The following DYM variants were observed in gnomAD, a reference collection of about 807,000 sequenced individuals.
The protein encoded by DYM is dymeclin.
In DYM, 78 loss-of-function variants were observed where a neutral mutation model predicts 93.1. That is an observed-to-expected ratio of 0.84 (90% CI 0.70 to 1.01). The LOEUF is 1.01. Ranked by LOEUF, DYM falls within the 50% of genes least tolerant of loss-of-function variation. The probability of loss-of-function intolerance (pLI) is 0.00; values close to 1 mark genes in which losing one functional copy is unlikely to be tolerated. For missense variants in DYM, 789 were observed against 845.0 expected (o/e 0.93, Z 0.82); for synonymous variants, 321 against 319.7 (o/e 1.00, Z -0.04).
At chr18:49,458,875 T>C (rs1044472449) in intron 1 of DYM, among the ~76,000 whole-genome samples, 3 of 152,200 alleles carry the variant, frequency 2.0e-5, no homozygotes, top group Non-Finnish European at 4.4e-5. Context: ...TTCAATCTTC[T>C]ACAGATATAT....
chr18:49,423,414 T>C (rs1307295937), intron 2 of DYM, among the ~76,000 whole-genome samples: 1 of 152,204 alleles, frequency 6.6e-6, no homozygotes, highest in Non-Finnish European at 1.5e-5. Context: ...GGGAAATTTA[T>C]AGCACTAAAT....
intron 16 of DYM, among the ~76,000 whole-genome samples, chr18:49,104,255 T>C (rs192005063): frequency 1.0e-3 from 154 of 152,320 alleles, no homozygotes; most frequent in African/African-American, 2.7e-3. Flanking sequence ...TTTTTGCACA[T>C]TGATTTTGTA....
chr18:49,188,807 T>A (rs2090696374), intron 14 of DYM, among the ~76,000 whole-genome samples: 1 of 152,186 alleles, frequency 6.6e-6, no homozygotes, highest in African/African-American at 2.4e-5. Context: ...ACCTGCACAT[T>A]GTGCACATGT....
intron 17 of DYM, among the ~76,000 whole-genome samples, chr18:49,054,295 G>A (rs2075284497): frequency 6.6e-6 from 1 of 152,212 alleles, no homozygotes; most frequent in Non-Finnish European, 1.5e-5. Context: ...AAGCTGGAGT[G>A]CAGTGGTGCG....
At chr18:49,087,818 G>C (rs1192927518) in intron 17 of DYM, among the ~76,000 whole-genome samples, 1 of 151,958 alleles carries the variant, frequency 6.6e-6, no homozygotes, top group Admixed American at 6.6e-5. Flanking sequence ...ATTCTAACTG[G>C]TGTGAGATGG....
chr18:49,196,082 A>G (rs2091424652), intron 14 of DYM, among the ~76,000 whole-genome samples: 1 of 150,932 alleles, frequency 6.6e-6, no homozygotes, highest in Admixed American at 6.6e-5. Context: ...CCACCACCAC[A>G]CCCGGCTAAT....
chr18:49,175,612 C>T (rs566540514), intron 14 of DYM, among the ~76,000 whole-genome samples: 2 of 152,152 alleles, frequency 1.3e-5, no homozygotes, highest in African/African-American at 2.4e-5. Context: ...AGGTGGAGAA[C>T]AAAATAACAA....
At chr18:49,300,272 A>G (rs2060835680) in intron 8 of DYM, among the ~76,000 whole-genome samples, 1 of 151,930 alleles carries the variant, frequency 6.6e-6, no homozygotes, top group Non-Finnish European at 1.5e-5. Flanking sequence ...TATAGTAACC[A>G]AAAAGAATCA....
intron 8 of DYM, among the ~76,000 whole-genome samples, chr18:49,321,787 C>A (rs902339030): frequency 6.6e-6 from 1 of 151,824 alleles, no homozygotes; most frequent in African/African-American, 2.4e-5. Flanking sequence ...TCTGTGAGCA[C>A]GTAAAATCTC....
At chr18:49,362,411 G>A (rs1367403823) in intron 6 of DYM, among the ~76,000 whole-genome samples, 3 of 152,152 alleles carry the variant, frequency 2.0e-5, no homozygotes, top group Non-Finnish European at 4.4e-5. Context: ...AGTGACAGAA[G>A]CCCAGTTACA....
chr18:49,057,064 A>G (rs917817198), intron 17 of DYM, among the ~76,000 whole-genome samples: 5 of 152,210 alleles, frequency 3.3e-5, no homozygotes, highest in African/African-American at 4.8e-5. Context: ...TGTGTTAGCA[A>G]TGTAAAACCT....
intron 8 of DYM, chr18:49,329,757 A>ATTG (rs1344861557): frequency 6.6e-6 from 1 of 152,266 alleles, no homozygotes; most frequent in East Asian, 1.9e-4. Context: ...ACACACTGCT[A>ATTG]TGAAAAGAAA....
intron 14 of DYM, among the ~76,000 whole-genome samples, chr18:49,195,802 C>T (rs370343067): frequency 2.2e-4 from 34 of 151,934 alleles, no homozygotes; most frequent in Admixed American, 9.2e-4. Flanking sequence ...TTCAAGAAGA[C>T]TTAGGGAGCC....
intron 11 of DYM, among the ~76,000 whole-genome samples, chr18:49,263,520 G>T (rs111806776): frequency 6.6e-6 from 1 of 151,688 alleles, no homozygotes; most frequent in African/African-American, 2.4e-5. Flanking sequence ...CACGAGGTCA[G>T]GAGTTCAAGA....
chr18:49,157,051 G>A lies in DYM; in HGVS notation c.1728+6634C>T, dbSNP rs150526563. Among the ~76,000 whole-genome samples the A allele has an allele frequency of 1.2e-4, 19 of 152,162 alleles. No individual in the cohort carries two copies. In the East Asian group the frequency reaches 3.7e-3, roughly 29 times the overall value. ...CACTCTGGTTTGGCTTATTTCTGGG[G>A]CTCCTGGACATGCCTGACCTTGGGA... On this transcript the variant is annotated intron_variant, in intron 15 of 17. Coordinates refer to ENST00000675505, the MANE Select transcript of DYM (RefSeq NM_001353214.3).
intron 2 of DYM, among the ~76,000 whole-genome samples, chr18:49,415,726 G>C: frequency 6.6e-6 from 1 of 151,884 alleles, no homozygotes; most frequent in East Asian, 1.9e-4. Flanking sequence ...CCAGGAGTTC[G>C]AGACCAGCCT....
chr18:49,374,214 A>C (rs2067283889), intron 5 of DYM, among the ~76,000 whole-genome samples: 1 of 152,200 alleles, frequency 6.6e-6, no homozygotes, highest in Non-Finnish European at 1.5e-5. Context: ...AATAAAGTAT[A>C]TAACATTCAA....
intron 15 of DYM, among the ~76,000 whole-genome samples, chr18:49,159,795 G>T (rs1175875594): frequency 6.6e-6 from 1 of 152,114 alleles, no homozygotes; most frequent in African/African-American, 2.4e-5. Flanking sequence ...AATATAATTT[G>T]GTTCCTTATG....
intron 6 of DYM, among the ~76,000 whole-genome samples, chr18:49,358,755 T>C (rs963842012): frequency 6.6e-6 from 1 of 151,998 alleles, no homozygotes; most frequent in African/African-American, 2.4e-5. Context: ...CCCAGAGTGG[T>C]GGCACTAGTG....
Sources: allele counts gnomAD v4.1 joint callset (sites outside exome capture counted in the v4.1 genomes callset), GRCh38; gene constraint gnomAD v4.1.1; transcripts MANE v1.5; gene names NCBI Gene and HGNC (gene_info 2026-07-23, HGNC 2026-07-21).